The following ARK2N variants were observed in gnomAD, a reference collection of about 807,000 sequenced individuals.
ARK2N encodes the protein arkadia (RNF111) N-terminal like PKA signaling regulator 2N, also known as protein ARK2N.
chr18:46,253,915 C>CATAGCT, the ARK2N span: 1 of 1,377,270 alleles, frequency 7.3e-7, no homozygotes, highest in South Asian at 1.5e-5. Context: ...GACTTTATGG[C>CATAGCT]ATAGCTGGCA....
the ARK2N span, among the ~76,000 whole-genome samples, chr18:46,262,202 C>G: frequency 5.9e-5 from 9 of 152,312 alleles, no homozygotes; most frequent in African/African-American, 2.2e-4. Context: ...GGAATTCAAA[C>G]TGTCAGTGTT....
the ARK2N span, among the ~76,000 whole-genome samples, chr18:46,247,436 A>T: frequency 1.3e-5 from 2 of 152,228 alleles, no homozygotes; most frequent in African/African-American, 4.8e-5. Context: ...GATACTAAGA[A>T]TTAACTAATT....
chr18:46,247,871 C>T, the ARK2N span, among the ~76,000 whole-genome samples: 2 of 152,208 alleles, frequency 1.3e-5, no homozygotes, highest in African/African-American at 4.8e-5. Context: ...CGGGTTTTGC[C>T]ATGTTGGCCA....
At chr18:46,232,612 C>T in the ARK2N span, 1 of 151,974 alleles carries the variant, frequency 6.6e-6, no homozygotes, top group East Asian at 1.9e-4. Context: ...CTCATTTTTC[C>T]CCCGATTTCT....
the ARK2N span, among the ~76,000 whole-genome samples, chr18:46,207,615 C>G: frequency 6.6e-6 from 1 of 152,042 alleles, no homozygotes; most frequent in Non-Finnish European, 1.5e-5. Flanking sequence ...GTCTTGAACT[C>G]CTGACTTCAT....
At chr18:46,222,658 G>A in the ARK2N span, among the ~76,000 whole-genome samples, 2 of 152,190 alleles carry the variant, frequency 1.3e-5, no homozygotes, top group Non-Finnish European at 2.9e-5. Flanking sequence ...AAAAGAGCAT[G>A]TGTGTGTTTA....
chr18:46,190,250 T>C, the ARK2N span, among the ~76,000 whole-genome samples: 6 of 152,252 alleles, frequency 3.9e-5, no homozygotes, highest in African/African-American at 1.4e-4. Flanking sequence ...CCGGGCGTGG[T>C]GGCTCACGCC....
At chr18:46,195,266 CTTT>C in the ARK2N span, among the ~76,000 whole-genome samples, 1,831 of 94,494 alleles carry the variant, frequency 0.019, 20 homozygotes, top group African/African-American at 0.066. Context: ...TTTATTTAAC[CTTT>C]TTTTTTTTTT....
the ARK2N span, among the ~76,000 whole-genome samples, chr18:46,237,815 T>A: frequency 1.3e-5 from 2 of 152,236 alleles, no homozygotes; most frequent in African/African-American, 4.8e-5. Flanking sequence ...ACCATTTCAT[T>A]ATTTTACTGA....
the ARK2N span, among the ~76,000 whole-genome samples, chr18:46,184,457 C>T: frequency 6.6e-6 from 1 of 151,744 alleles, no homozygotes; most frequent in African/African-American, 2.4e-5. Flanking sequence ...TGTTGTGGCT[C>T]ACACTTGTCA....
chr18:46,217,680 G>T, the ARK2N span: 1 of 152,172 alleles, frequency 6.6e-6, no homozygotes, highest in Non-Finnish European at 1.5e-5. Context: ...AGAATGATTG[G>T]TTTTAAAGCA....
the ARK2N span, among the ~76,000 whole-genome samples, chr18:46,177,884 C>G: frequency 2.0e-5 from 3 of 152,218 alleles, no homozygotes; most frequent in Non-Finnish European, 4.4e-5. Context: ...GCCTGGGCAA[C>G]AAAGTGAGAC....
the ARK2N span, among the ~76,000 whole-genome samples, chr18:46,201,828 A>G: frequency 6.8e-6 from 1 of 146,280 alleles, no homozygotes; most frequent in African/African-American, 2.5e-5. Context: ...CCCAGGCTGG[A>G]GTGCAGTGGA....
At chr18:46,246,639 T>G in the ARK2N span, among the ~76,000 whole-genome samples, 1 of 20,048 alleles carries the variant, frequency 5.0e-5, no homozygotes, top group Non-Finnish European at 1.4e-4. Context: ...TGACCAAGCA[T>G]TACAGATAAG....
the ARK2N span, among the ~76,000 whole-genome samples, chr18:46,211,160 G>C: frequency 6.6e-6 from 1 of 152,134 alleles, no homozygotes; most frequent in Non-Finnish European, 1.5e-5. Flanking sequence ...TTTAGAGATA[G>C]TGAGGTCATT....
chr18:46,194,185 T>C, the ARK2N span, among the ~76,000 whole-genome samples: 1 of 151,994 alleles, frequency 6.6e-6, no homozygotes, highest in Admixed American at 6.6e-5. Flanking sequence ...CTCCTTGACT[T>C]AAGCAGTTCT....
the ARK2N span, among the ~76,000 whole-genome samples, chr18:46,208,944 G>A: frequency 6.6e-5 from 10 of 152,196 alleles, no homozygotes; most frequent in Non-Finnish European, 1.3e-4. Flanking sequence ...ATATTAGCCT[G>A]TATCATTTAC....
chr18:46,179,067 C>T, the ARK2N span, among the ~76,000 whole-genome samples: 20 of 151,720 alleles, frequency 1.3e-4, no homozygotes, highest in East Asian at 1.2e-3. Flanking sequence ...CTCAGCCTCC[C>T]GAGTAGCTGG....
the ARK2N span, among the ~76,000 whole-genome samples, chr18:46,248,142 ACCT>A: frequency 6.6e-6 from 1 of 152,200 alleles, no homozygotes; most frequent in African/African-American, 2.4e-5. Context: ...TGAAACGGTA[ACCT>A]CCTGGAAGGC....
Sources: gnomAD v4.1 joint callset for allele counts (sites outside exome capture counted in the v4.1 genomes callset) on GRCh38, gnomAD v4.1.1 for gene constraint, MANE v1.5 for transcripts, NCBI Gene and HGNC (gene_info 2026-07-23, HGNC 2026-07-21) for gene names.